The following NRXN3 variants were observed in gnomAD, a reference collection of about 807,000 sequenced individuals.
The protein encoded by NRXN3 is neurexin III.
NRXN3 carries 32 observed loss-of-function variants against 137.6 expected under a neutral mutation model. The observed-to-expected ratio is 0.23, with a 90% CI of 0.18 to 0.31. The LOEUF is 0.31. Ranked by LOEUF, NRXN3 falls within the 10% of genes least tolerant of loss-of-function variation. The pLI, the probability that NRXN3 is intolerant of heterozygous loss-of-function variation, is 1.00. For synonymous variants in NRXN3, 798 were observed against 784.5 expected (o/e 1.02, Z -0.29); for missense variants, 1,574 against 2,062.5 (o/e 0.76, Z 4.59).
chr14:78,664,720 TC>T (rs1005060900), intron 6 of NRXN3, among the ~76,000 whole-genome samples: 13 of 152,346 alleles, frequency 8.5e-5, no homozygotes, highest in South Asian at 2.1e-4. Context: ...GTTATTATAG[TC>T]CTCATCACAT....
chr14:79,712,807 C>T (rs2098809263), intron 19 of NRXN3, among the ~76,000 whole-genome samples: 1 of 152,194 alleles, frequency 6.6e-6, no homozygotes, highest in Non-Finnish European at 1.5e-5. Context: ...CTGAGCCTGC[C>T]TCACAGCTAT....
chr14:78,219,547 C>A (rs984638742), intron 1 of NRXN3, among the ~76,000 whole-genome samples: 1 of 152,172 alleles, frequency 6.6e-6, no homozygotes, highest in Non-Finnish European at 1.5e-5. Context: ...AGCTGTGTGA[C>A]CTTGAACAAG....
At position 79,671,845 on chromosome 14, in the gene NRXN3, A is replaced by G. The variant is rs567365392; in HGVS notation, c.3616+7896A>G. 3.9e-5 allele frequency among the ~76,000 whole-genome samples: 6 copies of G among 152,206 alleles called. No individual in the cohort carries two copies. In the East Asian group the frequency reaches 5.8e-4, roughly 15 times the overall value. ...AACTGGAGCTTGGACTAATGCTAAA[A>G]TTAAACATAACCACCCAGAAGACAA... On this transcript the variant is annotated intron_variant, in intron 17 of 20. Transcript: ENST00000335750.
intron 4 of NRXN3, among the ~76,000 whole-genome samples, chr14:78,356,105 T>C (rs1170552159): frequency 6.6e-6 from 1 of 152,216 alleles, no homozygotes; most frequent in African/African-American, 2.4e-5. Flanking sequence ...GAAAGGCCAA[T>C]TGTTGACACA....
chr14:79,296,287 ACAT>A (rs1423308576), intron 15 of NRXN3, among the ~76,000 whole-genome samples: 2 of 152,154 alleles, frequency 1.3e-5, no homozygotes, highest in Non-Finnish European at 2.9e-5. Flanking sequence ...AGTGTGACAA[ACAT>A]CATGAGATAA....
chr14:78,676,233 T>C (rs2098004163), intron 6 of NRXN3, among the ~76,000 whole-genome samples: 1 of 152,132 alleles, frequency 6.6e-6, no homozygotes, highest in Non-Finnish European at 1.5e-5. Context: ...AAGGCATATC[T>C]AAAGTTAAGA....
chr14:78,691,029 A>G (rs1003629019), intron 6 of NRXN3, among the ~76,000 whole-genome samples: 1 of 152,150 alleles, frequency 6.6e-6, no homozygotes, highest in Non-Finnish European at 1.5e-5. Context: ...CTGACAGAAA[A>G]TGAGTCTGAA....
intron 15 of NRXN3, among the ~76,000 whole-genome samples, chr14:79,053,660 A>T (rs2099646102): frequency 6.6e-6 from 1 of 151,826 alleles, no homozygotes; most frequent in African/African-American, 2.4e-5. Flanking sequence ...TTGTGTTGGG[A>T]TAGAGCAGCA....
chr14:78,236,208 G>C (rs988476647), intron 1 of NRXN3, among the ~76,000 whole-genome samples: 1 of 152,076 alleles, frequency 6.6e-6, no homozygotes, highest in Non-Finnish European at 1.5e-5. Flanking sequence ...AACACATTAC[G>C]CAGAATCACC....
At chr14:78,939,080 C>A (rs1191325966) in intron 10 of NRXN3, among the ~76,000 whole-genome samples, 1 of 151,832 alleles carries the variant, frequency 6.6e-6, no homozygotes, top group African/African-American at 2.4e-5. Context: ...CTCCTGACCT[C>A]GTGATCCGCC....
At chr14:78,383,331 C>T (rs907755210) in intron 4 of NRXN3, among the ~76,000 whole-genome samples, 2 of 152,142 alleles carry the variant, frequency 1.3e-5, no homozygotes, top group African/African-American at 4.8e-5. Flanking sequence ...ATGGGAAATG[C>T]AGTTAGCTGT....
chr14:79,565,312 CACACATGTGTGTGTATATATATATACAT>C (rs2097539497), intron 16 of NRXN3, among the ~76,000 whole-genome samples: 1 of 126,422 alleles, frequency 7.9e-6, no homozygotes, highest in Admixed American at 8.0e-5. Context: ...TACATATACA[CACACATGTGTGTGTATATATATATACAT>C]ATGTGTGCGT....
At chr14:79,664,454 C>T (rs1279400538) in intron 17 of NRXN3, among the ~76,000 whole-genome samples, 1 of 152,020 alleles carries the variant, frequency 6.6e-6, no homozygotes, top group Non-Finnish European at 1.5e-5. Flanking sequence ...GAATTTTATT[C>T]GTTTGGTGGA....
At chr14:79,721,465 A>G (rs2098844312) in intron 19 of NRXN3, among the ~76,000 whole-genome samples, 1 of 152,160 alleles carries the variant, frequency 6.6e-6, no homozygotes, top group African/African-American at 2.4e-5. Context: ...GTGAATAAGT[A>G]GAATTACTAA....
chr14:79,583,183 A>G (rs2097733326), intron 16 of NRXN3, among the ~76,000 whole-genome samples: 1 of 152,200 alleles, frequency 6.6e-6, no homozygotes, highest in Non-Finnish European at 1.5e-5. Flanking sequence ...CTCTGTGGAT[A>G]GATGTGGAAA....
At chr14:78,813,663 T>C (rs2098921964) in intron 10 of NRXN3, among the ~76,000 whole-genome samples, 2 of 151,386 alleles carry the variant, frequency 1.3e-5, no homozygotes, top group South Asian at 4.2e-4. Context: ...TCAGCTATTT[T>C]TTTTTCCTGT....
intron 15 of NRXN3, among the ~76,000 whole-genome samples, chr14:79,115,338 A>AG (rs1007193095): frequency 2.0e-5 from 3 of 151,270 alleles, no homozygotes; most frequent in African/African-American, 4.9e-5. Context: ...AAAAAAAAAA[A>AG]AAAGAAAAAA....
chr14:78,908,161 A>G (rs1334186707), intron 10 of NRXN3, among the ~76,000 whole-genome samples: 1 of 152,060 alleles, frequency 6.6e-6, no homozygotes, highest in African/African-American at 2.4e-5. Context: ...AGCTGCTAGC[A>G]TGTCTTTGTT....
At chr14:79,151,808 C>T (rs1383537941) in intron 15 of NRXN3, among the ~76,000 whole-genome samples, 1 of 151,884 alleles carries the variant, frequency 6.6e-6, no homozygotes, top group Non-Finnish European at 1.5e-5. Context: ...AATCTAAATC[C>T]CTACAATATG....
Sources: gnomAD v4.1 joint callset for allele counts (sites outside exome capture counted in the v4.1 genomes callset) on GRCh38, gnomAD v4.1.1 for gene constraint, MANE v1.5 for transcripts, NCBI Gene and HGNC (gene_info 2026-07-23, HGNC 2026-07-21) for gene names.